REPS2: variants seen among roughly 807,000 people sequenced by gnomAD.
REPS2 encodes RALBP1 associated Eps domain containing 2.
A neutral mutation model predicts 53.6 loss-of-function variants in REPS2; 23 were observed. That is an observed-to-expected ratio of 0.43 (90% confidence interval 0.31 to 0.61). The LOEUF (loss-of-function observed/expected upper bound fraction) is 0.61, where lower values mean the gene tolerates loss of function less well. Ranked by LOEUF, REPS2 falls within the 20% of genes least tolerant of loss-of-function variation. REPS2 has a pLI of 0.11. For missense variants in REPS2, 446 were observed against 534.9 expected (o/e 0.83, Z 1.64); for synonymous variants, 238 against 218.6 (o/e 1.09, Z -0.78).
rs202032167 is a variant in REPS2 at position 17,029,580 on chromosome X, G to A, written c.728G>A (p.Gly243Asp). ...CAGCCCGAGGGATCCTCATCAGGGG[G>A]CCCAGGAACCAAGCCCCTTCGGCAT... ...LVQPEGSSSG[G>D]PGTKPLRHQA... is the part of the protein sequence containing the mutation. Residue 243 changes from glycine to aspartate, a missense_variant, in exon 5 of 18, where the codon GGC becomes GAC. Physicochemically the swap from Gly to Asp is moderately conservative, Grantham distance 94. Coordinates refer to ENST00000357277, the MANE Select transcript of REPS2 (RefSeq NM_004726.3). 8.3e-7 allele frequency: 1 copy of A among 1,209,446 alleles called. No homozygotes were observed. The highest frequency in any genetic ancestry group is 2.2e-5 in the Admixed American group (1 of 45,793).
rs906895690 is a variant in REPS2, at chrX:17,099,893, C to G, written c.1517-3825C>G. ...CTTCCTTGGCAGGGACGAGGTCAGC[C>G]TCATCAGAATTTTTCCCTTTCATCA... On this transcript the variant is annotated intron_variant, in intron 13 of 17. Coordinates refer to ENST00000357277, the MANE Select transcript of REPS2 (RefSeq NM_004726.3). 17 of 871,481 alleles carry G rather than the reference C, an allele frequency of 2.0e-5. No individual in the cohort carries two copies. The African/African-American group carries it at 3.2e-4, about 16-fold the overall frequency. The allele number at this position is 871,481 out of a possible 1,213,427, so 71.8% of individuals were successfully genotyped here.
intron 14 of REPS2, among the ~76,000 whole-genome samples, chrX:17,122,920 G>A (rs1200646478): frequency 8.9e-6 from 1 of 112,357 alleles, no homozygotes; most frequent in Non-Finnish European, 1.9e-5. Context: ...GATACACAGA[G>A]CAAAGAAACC....
chrX:17,059,523 A>T (rs2062127229), intron 8 of REPS2, among the ~76,000 whole-genome samples: 3 of 109,864 alleles, frequency 2.7e-5, no homozygotes, highest in Admixed American at 9.7e-5. Context: ...ACTTGAGTGC[A>T]GTGGCATGAT....
chrX:17,044,778 CCCTATGTTCTA>C (rs1043479038), intron 5 of REPS2, among the ~76,000 whole-genome samples: 4 of 111,854 alleles, frequency 3.6e-5, no homozygotes, highest in Non-Finnish European at 7.5e-5. Context: ...ACATTCTCCA[CCCTATGTTCTA>C]CCAATGGAAC....
the REPS2 span, among the ~76,000 whole-genome samples, chrX:17,185,893 AT>A: frequency 1.8e-5 from 2 of 111,074 alleles, no homozygotes; most frequent in South Asian, 7.7e-4. Flanking sequence ...GAGTGGAGGG[AT>A]TTTGATGAGG....
chrX:17,032,169 C>T, intron 5 of REPS2, among the ~76,000 whole-genome samples: 1 of 111,966 alleles, frequency 8.9e-6, no homozygotes, highest in East Asian at 2.8e-4. Context: ...TGGTAGATTA[C>T]ATGGGTCTGG....
the REPS2 span, among the ~76,000 whole-genome samples, chrX:17,189,484 G>A: frequency 2.7e-5 from 3 of 110,115 alleles, no homozygotes; most frequent in East Asian, 8.6e-4. Flanking sequence ...ATGGGGTTTC[G>A]TCATGTTGCC....
intron 14 of REPS2, among the ~76,000 whole-genome samples, chrX:17,109,295 C>T (rs971464360): frequency 5.4e-5 from 6 of 111,117 alleles, no homozygotes; most frequent in African/African-American, 2.0e-4. Flanking sequence ...TGGAGCCCCT[C>T]CCAGAGATTT....
At chrX:17,168,771 G>A in the REPS2 span, among the ~76,000 whole-genome samples, 1 of 112,191 alleles carries the variant, frequency 8.9e-6, no homozygotes, top group African/African-American at 3.2e-5. Context: ...GGAGAAAGGG[G>A]AGGTTTCAGT....
intron 14 of REPS2, among the ~76,000 whole-genome samples, chrX:17,119,912 C>T (rs1269702378): frequency 1.1e-5 from 1 of 91,564 alleles, no homozygotes; most frequent in African/African-American, 4.3e-5. Context: ...AGTCTTGCTC[C>T]GTTGCCCAGG....
chrX:17,089,862 T>TGAA (rs1569169958), intron 13 of REPS2, among the ~76,000 whole-genome samples: 1 of 112,615 alleles, frequency 8.9e-6, no homozygotes, highest in African/African-American at 3.2e-5. Context: ...AGTCTTTGTG[T>TGAA]GAACATATGT....
intron 13 of REPS2, among the ~76,000 whole-genome samples, chrX:17,083,879 GTT>G (rs998637263): frequency 9.2e-6 from 1 of 108,543 alleles, no homozygotes; most frequent in African/African-American, 3.5e-5. Flanking sequence ...GTTTTGTTTT[GTT>G]TTTTTGTTTT....
At chrX:16,951,836 G>C (rs897733411) in intron 1 of REPS2, among the ~76,000 whole-genome samples, 1 of 111,915 alleles carries the variant, frequency 8.9e-6, no homozygotes, top group Non-Finnish European at 1.9e-5. Flanking sequence ...CAGTCTCTTG[G>C]AATGCTGTGC....
At chrX:16,998,121 C>T (rs2061254871) in intron 1 of REPS2, among the ~76,000 whole-genome samples, 1 of 111,704 alleles carries the variant, frequency 9.0e-6, no homozygotes, top group Non-Finnish European at 1.9e-5. Flanking sequence ...ATGGCACTTG[C>T]CTGTAGTCCC....
intron 2 of REPS2, among the ~76,000 whole-genome samples, chrX:17,012,952 TGTG>T (rs1293400547): frequency 8.9e-6 from 1 of 112,401 alleles, no homozygotes; most frequent in Non-Finnish European, 1.9e-5. Flanking sequence ...GAGCCACTGT[TGTG>T]GTCACGATTC....
chrX:17,149,820 C>T lies in REPS2; in HGVS notation c.*2339C>T, dbSNP rs919608705. ...AATATTGACATGCTTTTCCCCTCCC[C>T]TCCATGAAGTCAGTGCCAGAGTGAG... On this transcript the variant is annotated 3_prime_UTR_variant, in exon 18 of 18. Coordinates refer to ENST00000357277, the MANE Select transcript of REPS2 (RefSeq NM_004726.3). 6 of 111,975 alleles carry T rather than the reference C, an allele frequency of 5.4e-5. No homozygotes were observed. The highest frequency in any genetic ancestry group is 1.9e-4 in the African/African-American group (6 of 30,775). The allele number at this position is 111,975 out of a possible 1,213,427, so 9.2% of individuals were successfully genotyped here.
chrX:17,066,868 A>C (rs1308569018), intron 9 of REPS2, among the ~76,000 whole-genome samples: 2 of 112,161 alleles, frequency 1.8e-5, no homozygotes, highest in African/African-American at 6.5e-5. Flanking sequence ...GCAGGACTCC[A>C]TCTCAAAAAA....
chrX:17,077,956 G>A (rs2062403824), intron 13 of REPS2, among the ~76,000 whole-genome samples: 2 of 112,386 alleles, frequency 1.8e-5, no homozygotes, highest in South Asian at 7.4e-4. Context: ...GGGCTGCTCT[G>A]GGCTTCTGGG....
At chrX:17,068,605 T>C in intron 10 of REPS2, 134 bp downstream of exon 10, 2 of 436,374 alleles carry the variant, frequency 4.6e-6, no homozygotes, top group East Asian at 4.1e-5. Context: ...GACTAAGTAG[T>C]TCAAATCATT....
Sources: gnomAD v4.1 joint callset for allele counts (sites outside exome capture counted in the v4.1 genomes callset) on GRCh38, gnomAD v4.1.1 for gene constraint, MANE v1.5 for transcripts, NCBI Gene and HGNC (gene_info 2026-07-23, HGNC 2026-07-21) for gene names.